SEZ6L2: variants seen among roughly 807,000 people sequenced by gnomAD.
The protein encoded by SEZ6L2 is seizure 6-like protein 2.
A neutral mutation model predicts 97.0 loss-of-function variants in SEZ6L2; 44 were observed. The observed-to-expected ratio is 0.45, with a 90% CI of 0.36 to 0.58. The LOEUF is 0.58. Ranked by LOEUF, SEZ6L2 falls within the 20% of genes least tolerant of loss-of-function variation. The pLI, the probability that SEZ6L2 is intolerant of heterozygous loss-of-function variation, is 0.00. For synonymous variants in SEZ6L2, 543 were observed against 546.1 expected (o/e 0.99, Z 0.08); for missense variants, 1,086 against 1,233.3 (o/e 0.88, Z 1.79).
chr16:29,890,115 G>T (rs2068239958), intron 5 of SEZ6L2, among the ~76,000 whole-genome samples: 1 of 152,016 alleles, frequency 6.6e-6, no homozygotes, highest in Non-Finnish European at 1.5e-5. Flanking sequence ...TACCATGTTG[G>T]CCAGGGTGGT....
chr16:29,899,169 C>T lies in SEZ6L2; in HGVS notation c.-150G>A, dbSNP rs2068477772. 6.2e-6 allele frequency: 4 copies of T among 645,718 alleles called. No homozygotes were observed. Among genetic ancestry groups the T allele is most frequent in the Middle Eastern group, 3.5e-4 (1 of 2,820 alleles). 40.0% of individuals were successfully genotyped at this position (645,718 alleles called of 1,614,324 possible). On this transcript the variant is annotated 5_prime_UTR_variant, in exon 1 of 18. Coordinates refer to ENST00000617533, the MANE Select transcript of SEZ6L2 (RefSeq NM_001243332.2). ...TCAGCAAAGAAAGACAATTTCTCTGCCCCTTGGGATGGAGGGGCAGAATTG... is the reference window on the plus strand; with the variant it reads ...TCAGCAAAGAAAGACAATTTCTCTGTCCCTTGGGATGGAGGGGCAGAATTG...
Position 29,895,319 on chromosome 16 carries a change from G to A in SEZ6L2, c.793C>T (p.Leu265Phe). The A allele has an allele frequency of 6.2e-6, 10 of 1,614,114 alleles. No individual in the cohort carries two copies. The highest frequency in any genetic ancestry group is 8.5e-6 in the Non-Finnish European group (10 of 1,180,028). Residue 265 changes from leucine to phenylalanine, a missense_variant, in exon 5 of 18, where the codon CTT becomes TTT. Leu to Phe is a conservative substitution (Grantham distance 22). Coordinates refer to ENST00000617533, the MANE Select transcript of SEZ6L2 (RefSeq NM_001243332.2). ...ACCCGTGGGCTCTGGAAGTGCAGAA[G>A]CAGCCGGTTGGTTGGGCTCCGAAGG... ...QVLRSPTNRL[L>F]LHFQSPRVPR...
At chr16:29,877,492 G>T (rs2067934175) in intron 10 of SEZ6L2, 25 bp from the exon 11 acceptor site, 2 of 1,555,490 alleles carry the variant, frequency 1.3e-6, no homozygotes, top group Non-Finnish European at 1.7e-6. Context: ...ACCAGGCAAT[G>T]GGGCGGGGCT....
In SEZ6L2 at chr16:29,899,112, T is replaced by G. The variant is rs1347530752; in HGVS notation, c.-93A>C. The G allele has an allele frequency of 1.3e-5, 2 of 159,622 alleles. No homozygotes were observed. The highest frequency in any genetic ancestry group is 4.4e-4 in the East Asian group (1 of 2,290). 9.9% of individuals were successfully genotyped at this position (159,622 alleles called of 1,614,324 possible). ...TCCGTTTATCTTTCCCTTTAATTGTTTTTTTTTTTTTTTTTTTTTTCCTCG... is the reference window on the plus strand; with the variant it reads ...TCCGTTTATCTTTCCCTTTAATTGTGTTTTTTTTTTTTTTTTTTTTCCTCG... On this transcript the variant is annotated 5_prime_UTR_variant, in exon 1 of 18. Transcript: ENST00000617533.
At chr16:29,872,873 C>T (rs1294665600) in intron 14 of SEZ6L2, 130 bp from the exon 15 acceptor site, 1 of 741,724 alleles carries the variant, frequency 1.3e-6, no homozygotes, top group Non-Finnish European at 2.2e-6. Context: ...CCTCAACTTT[C>T]TCCCTTTGTG....
intron 5 of SEZ6L2, among the ~76,000 whole-genome samples, chr16:29,892,461 C>T (rs2068289785): frequency 6.6e-6 from 1 of 152,202 alleles, no homozygotes; most frequent in Admixed American, 6.5e-5. Flanking sequence ...GGCCCAGGCC[C>T]TCCAGGAATG....
rs781107207 is a variant in SEZ6L2, at chr16:29,872,744, C to T, written c.2489-1G>A. 1.9e-6 allele frequency: 3 copies of T among 1,609,352 alleles called. No individual in the cohort carries two copies. The East Asian group carries it at 6.7e-5, about 36-fold the overall frequency. ...TTGTCCAGGAGCTCCTCATAGGCAA[C>T]TGCAGGGAGAGGAGGGGGAGGGGAT... On this transcript the variant is annotated splice_acceptor_variant, in intron 14 of 17. Coordinates refer to ENST00000617533, the MANE Select transcript of SEZ6L2 (RefSeq NM_001243332.2). LOFTEE classifies it high-confidence loss of function.
chr16:29,894,255 G>A (rs902856755), intron 5 of SEZ6L2, among the ~76,000 whole-genome samples: 2 of 152,160 alleles, frequency 1.3e-5, no homozygotes, highest in Non-Finnish European at 1.5e-5. Flanking sequence ...TTTTTCAGAT[G>A]AGATCATGAG....
intron 8 of SEZ6L2, among the ~76,000 whole-genome samples, chr16:29,882,534 G>A (rs1049856696): frequency 1.9e-4 from 29 of 149,246 alleles, no homozygotes; most frequent in Non-Finnish European, 3.7e-4. Flanking sequence ...CCGAGATTGC[G>A]CCATTGCACT....
intron 15 of SEZ6L2, 82 bp downstream of exon 15, chr16:29,872,623 C>G: frequency 6.2e-7 from 1 of 1,600,718 alleles, no homozygotes; most frequent in South Asian, 1.1e-5. Flanking sequence ...CTTCATCCCT[C>G]CAAGGCCTGG....
chr16:29,880,016 A>T lies in SEZ6L2; in HGVS notation c.1421T>A (p.Val474Asp), dbSNP rs1484718705. 6.2e-7 allele frequency: 1 copy of T among 1,614,068 alleles called. No homozygotes were observed. The highest frequency in any genetic ancestry group is 8.5e-7 in the Non-Finnish European group (1 of 1,180,034). Residue 474 changes from valine (V) to aspartate (D), a missense_variant, in exon 9 of 18, where the codon GTC becomes GAC. Physicochemically the swap from Val to Asp is radical, Grantham distance 152 (BLOSUM62 -3). This residue lies in a region of SEZ6L2 where 776 missense variants were observed against 794.7 expected (regional missense o/e 0.98). Transcript: ENST00000617533. ...CFAPFLAHGN[V>D]TTTDPEYRPG... ...GCGATACTCAGGGTCCGTGGTAGTGACATTTCCATGTGCCAGGAAGGGGGC... is the reference window on the plus strand; with the variant it reads ...GCGATACTCAGGGTCCGTGGTAGTGTCATTTCCATGTGCCAGGAAGGGGGC...
intron 8 of SEZ6L2, among the ~76,000 whole-genome samples, chr16:29,885,212 AT>A (rs1219960360): frequency 1.4e-5 from 1 of 70,566 alleles, no homozygotes; most frequent in Non-Finnish European, 3.4e-5. Context: ...GTCTCAAAAA[AT>A]AAATAAATAA....
At chr16:29,877,185 C>G (rs1314240099) in intron 11 of SEZ6L2, 86 bp downstream of exon 11, 4 of 1,390,054 alleles carry the variant, frequency 2.9e-6, no homozygotes, top group Non-Finnish European at 3.8e-6. Flanking sequence ...CCCGGGATAA[C>G]AGGCGTGAGC....
At chr16:29,885,827 AT>A in intron 7 of SEZ6L2, 78 bp from the exon 8 acceptor site, 2 of 1,416,674 alleles carry the variant, frequency 1.4e-6, no homozygotes, top group Non-Finnish European at 1.9e-6. Context: ...TTCCTAACTT[AT>A]TTTTATAGCT....
chr16:29,871,636 T>A lies in SEZ6L2; in HGVS notation c.*63A>T. ...CAGGAGGCAGAGACCGGGTCCCGTA[T>A]TTCCCTCTGCCCGAATGAGGAGGGG... On this transcript the variant is annotated 3_prime_UTR_variant, in exon 18 of 18. Transcript: ENST00000617533. The A allele has an allele frequency of 6.5e-7, 1 of 1,537,328 alleles. No individual in the cohort carries two copies. Among genetic ancestry groups the A allele is most frequent in the Non-Finnish European group, 8.9e-7 (1 of 1,124,328 alleles).
rs1466284230 is a variant in SEZ6L2, at chr16:29,876,575, G to A, written c.2104+181C>T. ...AGGGAGACCCAGAGGGGACAGTTTC[G>A]GGGAACCGGGCGGAGGAGTGAGAAC... is the stretch of plus-strand genomic sequence containing the variant. On this transcript the variant is annotated intron_variant, in intron 12 of 17. Coordinates refer to ENST00000617533, the MANE Select transcript of SEZ6L2 (RefSeq NM_001243332.2). This position sits in a 1 kb window ranked among gnomAD's most constrained non-coding sequence, Gnocchi z 6.5. Among the ~76,000 whole-genome samples, 3 of 152,086 alleles carry A rather than the reference G, an allele frequency of 2.0e-5. No homozygotes were observed. Among genetic ancestry groups the A allele is most frequent in the Non-Finnish European group, 2.9e-5 (2 of 68,026 alleles).
chr16:29,895,352 C>T lies in SEZ6L2; in HGVS notation c.760G>A (p.Gly254Arg), dbSNP rs530518781. The stretch of plus-strand genomic sequence containing the variant: ...TTGGTTGGGCTCCGAAGGACTTGTC[C>T]TTCTCCAAGCATGGATGAGTTGGCC... Reference protein sequence around the residue: ...LLANSSMLGEGQVLRSPTNRL... With the variant: ...LLANSSMLGERQVLRSPTNRL... Residue 254 changes from glycine (G) to arginine (R), a missense_variant, in exon 5 of 18, where the codon GGA becomes AGA. Gly to Arg is a moderately radical substitution (Grantham distance 125). This residue lies in a region of SEZ6L2 where 776 missense variants were observed against 794.7 expected (regional missense o/e 0.98). Transcript: ENST00000617533. 8 of 1,614,140 alleles carry T rather than the reference C, an allele frequency of 5.0e-6. No homozygotes were observed. The highest frequency in any genetic ancestry group is 2.2e-5 in the East Asian group (1 of 44,880).
intron 8 of SEZ6L2, among the ~76,000 whole-genome samples, chr16:29,881,633 T>C (rs1201381185): frequency 6.8e-6 from 1 of 146,488 alleles, no homozygotes; most frequent in Non-Finnish European, 1.5e-5. Flanking sequence ...TTTTTTTTTT[T>C]TTTTTTTTTT....
Position 29,899,373 on chromosome 16 carries a change from A to C in SEZ6L2, c.-354T>G. On this transcript the variant is annotated 5_prime_UTR_variant, in exon 1 of 18. Coordinates refer to ENST00000617533, the MANE Select transcript of SEZ6L2 (RefSeq NM_001243332.2). ...CGCCTGGGTCCACTGGGCTGTCTGG[A>C]CCCCAAGCTAGGGGACTGGGGAGGA... The C allele has an allele frequency of 7.1e-6, 2 of 283,182 alleles. No homozygotes were observed. Among genetic ancestry groups the C allele is most frequent in the Non-Finnish European group, 1.3e-5 (2 of 151,122 alleles). 17.5% of individuals were successfully genotyped at this position (283,182 alleles called of 1,614,324 possible).
Sources: gnomAD v4.1 joint callset for allele counts (sites outside exome capture counted in the v4.1 genomes callset) on GRCh38, gnomAD v4.1.1 for gene constraint, gnomAD v4.1.1 regional missense constraint, Gnocchi (gnomAD v3.1) non-coding constraint, MANE v1.5 for transcripts, NCBI Gene and HGNC (gene_info 2026-07-23, HGNC 2026-07-21) for gene names.